ACSM5: variants seen among roughly 807,000 people sequenced by gnomAD.
ACSM5 encodes the protein acyl-CoA synthetase medium chain family member 5.
ACSM5 carries 56 observed loss-of-function variants against 71.6 expected under a neutral mutation model. The ratio of observed to expected loss-of-function variants is 0.78; its 90% CI spans 0.63 to 0.98. The LOEUF is 0.98. Among genes scored for constraint, ACSM5 ranks in the 50% least tolerant of loss-of-function variants. ACSM5 has a pLI of 0.00. For synonymous variants in ACSM5, 285 were observed against 281.5 expected, an observed-to-expected ratio of 1.01 and a Z score of -0.12; for missense variants, 723 against 726.0, an observed-to-expected ratio of 1.00 and a Z score of 0.05.
chr16:20,433,450 G>T (rs1967139132), intron 10 of ACSM5, among the ~76,000 whole-genome samples: 1 of 152,234 alleles, frequency 6.6e-6, no homozygotes, highest in African/African-American at 2.4e-5. Flanking sequence ...ACAAATATTT[G>T]TTATAGTGCT....
chr16:20,435,544 A>G lies in ACSM5; in HGVS notation c.1309-1508A>G, dbSNP rs151225770. ...TTAAGTGTGTAAGTCAATGACTTTT[A>G]ACACATGTCCGCCCCTGTGTAACTG... On this transcript the variant is annotated intron_variant, in intron 10 of 13. Transcript: ENST00000331849. 1.1e-4 allele frequency among the ~76,000 whole-genome samples: 16 copies of G among 152,332 alleles called. No individual in the cohort carries two copies. In the East Asian group the frequency reaches 1.9e-3, roughly 18 times the overall value.
intron 12 of ACSM5, 97 bp downstream of exon 12, chr16:20,437,464 C>T (rs1228713375): frequency 4.2e-5 from 43 of 1,017,714 alleles, no homozygotes; most frequent in Non-Finnish European, 6.0e-5. Flanking sequence ...TATTTCACCT[C>T]CATCCTTGTG....
intron 10 of ACSM5, among the ~76,000 whole-genome samples, chr16:20,434,770 C>T (rs1024621119): frequency 6.6e-6 from 1 of 152,164 alleles, no homozygotes; most frequent in Non-Finnish European, 1.5e-5. Context: ...TCCTTGATCA[C>T]TTACTCTGTC....
At chr16:20,435,554 C>T (rs1046248067) in intron 10 of ACSM5, among the ~76,000 whole-genome samples, 1 of 152,164 alleles carries the variant, frequency 6.6e-6, no homozygotes, top group African/African-American at 2.4e-5. Context: ...AACACATGTC[C>T]GCCCCTGTGT....
chr16:20,439,220 C>A (rs567808566), intron 12 of ACSM5, among the ~76,000 whole-genome samples: 93 of 137,472 alleles, frequency 6.8e-4, no homozygotes, highest in African/African-American at 2.6e-3. Flanking sequence ...TGGGACACTT[C>A]CTCCTGCCTG....
chr16:20,427,130 G>A (rs1407700213), intron 6 of ACSM5, among the ~76,000 whole-genome samples: 53 of 151,954 alleles, frequency 3.5e-4, no homozygotes, highest in African/African-American at 1.3e-3. Flanking sequence ...GTGAAACCCC[G>A]TTTCTACTAA....
intron 10 of ACSM5, among the ~76,000 whole-genome samples, chr16:20,436,010 T>C (rs66465511): frequency 0.43 from 63,339 of 146,042 alleles, 14,872 homozygotes; most frequent in East Asian, 0.77. Context: ...TCTTTCTTTC[T>C]TTTTTCTTCA....
chr16:20,427,776 G>C lies in ACSM5; in HGVS notation c.922-12G>C, dbSNP rs774905409. 3.1e-6 allele frequency: 5 copies of C among 1,597,770 alleles called. No homozygotes were observed. The East Asian group carries it at 1.1e-4, about 36-fold the overall frequency. On this transcript the variant is annotated splice_polypyrimidine_tract_variant and intron_variant, in intron 6 of 13. Transcript: ENST00000331849. Reference sequence around the variant, plus strand: ...ATTCTAAGGACATCTTTCACCCTTTGTTTTTGTTTAGACTCTCTCCAAATT... The same window carrying C: ...ATTCTAAGGACATCTTTCACCCTTTCTTTTTGTTTAGACTCTCTCCAAATT...
intron 12 of ACSM5, among the ~76,000 whole-genome samples, chr16:20,438,611 C>A (rs534364200): frequency 4.0e-5 from 6 of 151,768 alleles, no homozygotes; most frequent in African/African-American, 1.4e-4. Context: ...GCTGTGTGCT[C>A]AAACTTAATC....
At chr16:20,415,185 G>T (rs1301369533) in intron 2 of ACSM5, among the ~76,000 whole-genome samples, 1 of 152,192 alleles carries the variant, frequency 6.6e-6, no homozygotes, top group African/African-American at 2.4e-5. Flanking sequence ...AGCAAAAATA[G>T]AGCCAGAACC....
chr16:20,417,912 C>A, intron 2 of ACSM5, 147 bp from the exon 3 acceptor site: 2 of 767,544 alleles, frequency 2.6e-6, no homozygotes, highest in Non-Finnish European at 4.1e-6. Context: ...GGGGAGCAAG[C>A]CTTTTCAATG....
chr16:20,440,656 G>A lies in ACSM5; in HGVS notation c.*229G>A, dbSNP rs1271484791. On this transcript the variant is annotated 3_prime_UTR_variant, in exon 14 of 14. Coordinates refer to ENST00000331849, the MANE Select transcript of ACSM5 (RefSeq NM_017888.3). ...CCGCCTAGCAAATGCTTGGTGGTTC[G>A]ACTTCTCCCTCTGTCTGGGGGCAGG... 3 of 474,274 alleles carry A rather than the reference G, an allele frequency of 6.3e-6. No homozygotes were observed. Among genetic ancestry groups the A allele is most frequent in the Non-Finnish European group, 7.9e-6 (2 of 252,014 alleles). 29.4% of individuals were successfully genotyped at this position (474,274 alleles called of 1,614,324 possible).
At chr16:20,418,297 T>G in intron 3 of ACSM5, 28 bp downstream of exon 3, 3 of 1,588,262 alleles carry the variant, frequency 1.9e-6, no homozygotes, top group Non-Finnish European at 2.6e-6. Context: ...GGAATTTTAG[T>G]TGGGGGCAGA....
chr16:20,429,982 G>C (rs1287108461), intron 8 of ACSM5, among the ~76,000 whole-genome samples, 181 bp downstream of exon 8: 1 of 152,086 alleles, frequency 6.6e-6, no homozygotes, highest in African/African-American at 2.4e-5. Context: ...TTATAAGTGG[G>C]AGCTAAGCTA....
intron 1 of ACSM5, among the ~76,000 whole-genome samples, chr16:20,410,566 C>CA (rs1567337959): frequency 1.3e-5 from 2 of 151,852 alleles, no homozygotes; most frequent in Admixed American, 1.3e-4. Flanking sequence ...CCTGTTTCTA[C>CA]AAAAAAACTT....
chr16:20,421,946 C>T (rs1966889333), intron 5 of ACSM5, among the ~76,000 whole-genome samples: 1 of 151,968 alleles, frequency 6.6e-6, no homozygotes, highest in South Asian at 2.1e-4. Context: ...GTGTAACTGG[C>T]ATCATGCAGT....
chr16:20,417,261 T>C (rs1004313372), intron 2 of ACSM5, among the ~76,000 whole-genome samples: 3 of 152,164 alleles, frequency 2.0e-5, no homozygotes, highest in Non-Finnish European at 4.4e-5. Context: ...TAAATCCTCA[T>C]AGCAGTGTTA....
rs1456454304 is a variant in ACSM5 at position 20,439,920 on chromosome 16, G to C, written c.1656+1G>C. The C allele has an allele frequency of 2.5e-6, 4 of 1,612,122 alleles. No individual in the cohort carries two copies. The highest frequency in any genetic ancestry group is 3.3e-5 in the Admixed American group (2 of 59,966). ...TGCTCCATACAAATACCCCAGGAAG[G>C]TAAATATCAGGGTTTCCAGGGCACA... On this transcript the variant is annotated splice_donor_variant, in intron 13 of 13. Coordinates refer to ENST00000331849, the MANE Select transcript of ACSM5 (RefSeq NM_017888.3). LOFTEE classifies it high-confidence loss of function.
At chr16:20,423,439 A>T (rs2141649490) in intron 5 of ACSM5, among the ~76,000 whole-genome samples, 1 of 152,250 alleles carries the variant, frequency 6.6e-6, no homozygotes, top group Non-Finnish European at 1.5e-5. Context: ...TTTCTCAGAA[A>T]CCCATGTCCA....
Sources: gnomAD v4.1 joint callset for allele counts (sites outside exome capture counted in the v4.1 genomes callset) on GRCh38, gnomAD v4.1.1 for gene constraint, MANE v1.5 for transcripts, NCBI Gene and HGNC (gene_info 2026-07-23, HGNC 2026-07-21) for gene names.